FSIP2: variants seen among roughly 807,000 people sequenced by gnomAD.
FSIP2 encodes fibrous sheath interacting protein 2, also known as fibrous sheath-interacting protein 2.
Under a neutral mutation model 510.5 loss-of-function variants are expected in FSIP2, and 367 were observed. The observed-to-expected ratio is 0.72, with a 90% CI of 0.66 to 0.78. The LOEUF is 0.78. Among genes scored for constraint, FSIP2 ranks in the 30% least tolerant of loss-of-function variants. FSIP2 has a pLI of 0.00. For missense variants in FSIP2, 7,594 were observed against 7,901.7 expected, an observed-to-expected ratio of 0.96 and a Z score of 1.48; for synonymous variants, 2,601 against 2,732.2, an observed-to-expected ratio of 0.95 and a Z score of 1.50.
rs1192837073 is a variant in FSIP2 at position 185,789,382 on chromosome 2, C to A, written c.2246C>A (p.Ala749Asp). 2 of 1,534,990 alleles carry A rather than the reference C, an allele frequency of 1.3e-6. No homozygotes were observed. The highest frequency in any genetic ancestry group is 2.7e-5 in the African/African-American group (2 of 73,072). The change falls in exon 16 of 23, where the codon GCT (alanine) becomes GAT (aspartate). Residue 749 changes from alanine to aspartate, a missense_variant. Transcript: ENST00000424728. ...EREKEILLSN[A>D]HIPSVASEIV... Reference sequence around the variant, plus strand: ...GAAAAAGAAATCTTGCTTTCCAATGCTCATATTCCCTCAGTTGCTTCTGAG... The same window carrying A: ...GAAAAAGAAATCTTGCTTTCCAATGATCATATTCCCTCAGTTGCTTCTGAG...
Position 185,813,822 on chromosome 2 carries a change from C to T in FSIP2, c.20105C>T (p.Ser6702Leu). The T allele has an allele frequency of 6.2e-7, 1 of 1,613,540 alleles. No homozygotes were observed. Among genetic ancestry groups the T allele is most frequent in the South Asian group, 1.1e-5 (1 of 91,054 alleles). ...ATACAAAGCAAACTTTCTCCTAAGTCAACACTAAGCACGAGCAGCCTGAAA... is the reference window on the plus strand; with the variant it reads ...ATACAAAGCAAACTTTCTCCTAAGTTAACACTAAGCACGAGCAGCCTGAAA... ...KPIQSKLSPKSTLSTSSLKKF... is the reference protein window; with the variant it reads ...KPIQSKLSPKLTLSTSSLKKF... Residue 6702 changes from serine (S) to leucine (L), a missense_variant, in exon 18 of 23, where the codon TCA becomes TTA. Ser to Leu is a moderately radical substitution (Grantham distance 145). Coordinates refer to ENST00000424728, the MANE Select transcript of FSIP2 (RefSeq NM_173651.4).
At chr2:185,824,275 AGTC>A (rs1693975674) in intron 19 of FSIP2, among the ~76,000 whole-genome samples, 156 bp from the exon 20 acceptor site, 1 of 151,878 alleles carries the variant, frequency 6.6e-6, no homozygotes, top group Admixed American at 6.6e-5. Context: ...TAGGGGAAAA[AGTC>A]AATCAGAAAT....
At position 185,790,462 on chromosome 2, in the gene FSIP2, T is replaced by C. The variant is rs1251600292; in HGVS notation, c.3326T>C (p.Ile1109Thr). ...KHQIEKASEN[I>T]VTSILKEMLK... ...CAAATAGAAAAGGCTTCAGAAAACA[T>C]AGTCACAAGTATTTTAAAGGAAATG... The change falls in exon 16 of 23, where the codon ATA becomes ACA. Residue 1109 changes from isoleucine to threonine, a missense_variant. Coordinates refer to ENST00000424728, the MANE Select transcript of FSIP2 (RefSeq NM_173651.4). 1 of 1,533,976 alleles carries C rather than the reference T, an allele frequency of 6.5e-7. No individual in the cohort carries two copies. The highest frequency in any genetic ancestry group is 8.7e-7 in the Non-Finnish European group (1 of 1,145,516).
chr2:185,801,038 C>G lies in FSIP2; in HGVS notation c.11732C>G (p.Ser3911Cys). ...SLELRSYDSN[S>C]LTVSLNNPSV... Reference sequence around the variant, plus strand: ...GAACTCAGGAGCTATGATAGTAATTCTTTGACAGTATCCCTGAATAATCCC... The same window carrying G: ...GAACTCAGGAGCTATGATAGTAATTGTTTGACAGTATCCCTGAATAATCCC... Residue 3911 changes from serine (S) to cysteine (C), a missense_variant, in exon 17 of 23, where the codon TCT (serine) becomes TGT (cysteine). By Grantham distance (112) the Ser-to-Cys change is moderately radical. Transcript: ENST00000424728. 6.5e-7 allele frequency: 1 copy of G among 1,531,974 alleles called. No homozygotes were observed. The highest frequency in any genetic ancestry group is 1.2e-5 in the South Asian group (1 of 83,784). The allele number at this position is 1,531,974 out of a possible 1,614,324, so 94.9% of individuals were successfully genotyped here.
At chr2:185,754,661 C>T (rs1408804699) in intron 8 of FSIP2, among the ~76,000 whole-genome samples, 1 of 151,492 alleles carries the variant, frequency 6.6e-6, no homozygotes, top group Non-Finnish European at 1.5e-5. Flanking sequence ...CAGACTGCTT[C>T]AGCAAGCATT....
At chr2:185,740,990 T>C (rs1216309479) in intron 2 of FSIP2, among the ~76,000 whole-genome samples, 1 of 152,178 alleles carries the variant, frequency 6.6e-6, no homozygotes, top group East Asian at 1.9e-4. Context: ...AAAACTAATC[T>C]GTTCTACTAG....
Position 185,800,653 on chromosome 2 carries a change from A to ACAT in FSIP2, c.11350_11352dup (p.Ser3784dup). 1 of 1,534,158 alleles carries ACAT rather than the reference A, an allele frequency of 6.5e-7. No homozygotes were observed. Among genetic ancestry groups the ACAT allele is most frequent in the South Asian group, 1.2e-5 (1 of 83,942 alleles). On this transcript the variant is annotated inframe_insertion, in exon 17 of 23. Transcript: ENST00000424728. ...TGATAAAGGGTCTGTTTCAGAGGAA[A>ACAT]CATCAGCAGAAGAATGTCAACTTTT...
chr2:185,796,059 A>G lies in FSIP2; in HGVS notation c.8923A>G (p.Lys2975Glu). The part of the protein sequence containing the change: ...SLSSLPIYNT[K>E]TKDQISVGSS... ...CAGCAGTTTACCAATCTATAACACA[A>G]AGACAAAAGACCAAATTTCTGTGGG... Residue 2975 changes from lysine (K) to glutamate (E), a missense_variant, in exon 16 of 23, where the codon AAG becomes GAG. Transcript: ENST00000424728. The G allele has an allele frequency of 6.5e-7, 1 of 1,531,394 alleles. No individual in the cohort carries two copies. The highest frequency in any genetic ancestry group is 8.7e-7 in the Non-Finnish European group (1 of 1,145,234). 94.9% of individuals were successfully genotyped at this position (1,531,394 alleles called of 1,614,324 possible).
In FSIP2 at chr2:185,788,822, C is replaced by T. The variant is rs1451187613; in HGVS notation, c.1686C>T (p.Cys562=). Residue 562 remains cysteine (C), a synonymous_variant, in exon 16 of 23, where the codon TGC becomes TGT. Transcript: ENST00000424728. ...SSDSSSFCST[C]SEDFTYRSYT... ...ATAGTTCAAGTTTCTGTAGCACGTG[C>T]AGTGAAGACTTTACATATAGAAGCT... 6.5e-7 allele frequency: 1 copy of T among 1,534,394 alleles called. No homozygotes were observed. The highest frequency in any genetic ancestry group is 8.7e-7 in the Non-Finnish European group (1 of 1,145,658).
At chr2:185,785,381 A>C (rs764718594) in intron 14 of FSIP2, among the ~76,000 whole-genome samples, 1 of 151,974 alleles carries the variant, frequency 6.6e-6, no homozygotes, top group Non-Finnish European at 1.5e-5. Context: ...AAAATACAGG[A>C]TATAGTTTTC....
rs771051922 is a variant in FSIP2 at position 185,805,355 on chromosome 2, A to C, written c.16049A>C (p.Lys5350Thr). 8 of 1,598,198 alleles carry C rather than the reference A, an allele frequency of 5.0e-6. No homozygotes were observed. The Admixed American group carries it at 7.1e-5, about 14-fold the overall frequency. Residue 5350 changes from lysine (K) to threonine (T), a missense_variant, in exon 17 of 23, where the codon AAA (lysine) becomes ACA (threonine). Lys to Thr is a moderately conservative substitution (Grantham distance 78). Transcript: ENST00000424728. Reference protein sequence around the residue: ...FPPIDKETVDKISNFVYEQFI... With the variant: ...FPPIDKETVDTISNFVYEQFI... The stretch of plus-strand genomic sequence containing the variant: ...CCAATTGATAAAGAGACAGTTGATA[A>C]AATATCCAATTTTGTATATGAACAG...
rs567984502 is a variant in FSIP2 at position 185,801,646 on chromosome 2, T to C, written c.12340T>C (p.Leu4114=). Residue 4114 remains leucine (L), a synonymous_variant, in exon 17 of 23, where the codon TTG becomes CTG. Transcript: ENST00000424728. ...SYYPLKPEII[L]QKLQSNLTEF... ...TTACCCTCTCAAACCTGAAATTATATTGCAAAAGCTTCAAAGTAACCTAAC... is the reference window on the plus strand; with the variant it reads ...TTACCCTCTCAAACCTGAAATTATACTGCAAAAGCTTCAAAGTAACCTAAC... 9.2e-6 allele frequency: 14 copies of C among 1,529,670 alleles called. No homozygotes were observed. The Admixed American group carries it at 2.0e-4, about 22-fold the overall frequency. 94.8% of individuals were successfully genotyped at this position (1,529,670 alleles called of 1,614,324 possible).
At chr2:185,741,572 T>G (rs999831019) in intron 2 of FSIP2, among the ~76,000 whole-genome samples, 1 of 152,188 alleles carries the variant, frequency 6.6e-6, no homozygotes, top group African/African-American at 2.4e-5. Context: ...ATCTACTCCT[T>G]GACTTATTAT....
intron 19 of FSIP2, among the ~76,000 whole-genome samples, chr2:185,822,766 G>T (rs914408798): frequency 4.5e-4 from 68 of 151,602 alleles, no homozygotes; most frequent in African/African-American, 1.6e-3. Flanking sequence ...TCTTAAAATA[G>T]AATAAAAATG....
At chr2:185,777,753 A>G (rs1692758492) in intron 13 of FSIP2, among the ~76,000 whole-genome samples, 1 of 151,752 alleles carries the variant, frequency 6.6e-6, no homozygotes, top group Non-Finnish European at 1.5e-5. Context: ...GATTAAATTT[A>G]CCAGTAGTTT....
chr2:185,763,571 C>A (rs920021505), intron 12 of FSIP2, among the ~76,000 whole-genome samples: 1 of 151,440 alleles, frequency 6.6e-6, no homozygotes, highest in African/African-American at 2.4e-5. Context: ...ACTTTTTGAC[C>A]AGTGATCAGT....
chr2:185,763,230 T>TCAC lies in FSIP2; in HGVS notation c.1290_1292dup (p.Pro431dup). 6.6e-7 allele frequency: 1 copy of TCAC among 1,521,226 alleles called. No homozygotes were observed. The highest frequency in any genetic ancestry group is 8.8e-7 in the Non-Finnish European group (1 of 1,134,030). 94.2% of individuals were successfully genotyped at this position (1,521,226 alleles called of 1,614,324 possible). On this transcript the variant is annotated inframe_insertion, in exon 12 of 23. Transcript: ENST00000424728. ...AGGTTCAATTATTTCAGCGCAGGTA[T>TCAC]CACCCACGAGAAATTTTTCCAGAGT... is the stretch of plus-strand genomic sequence containing the variant.
intron 22 of FSIP2, 47 bp from the exon 23 acceptor site, chr2:185,833,043 G>T: frequency 6.3e-7 from 1 of 1,576,810 alleles, no homozygotes; most frequent in Non-Finnish European, 8.7e-7. Flanking sequence ...TTTTACCTCA[G>T]TGTTCAAAAA....
rs1199710687 is a variant in FSIP2, at chr2:185,789,709, C to T, written c.2573C>T (p.Thr858Ile). The change falls in exon 16 of 23, where the codon ACA (threonine) becomes ATA (isoleucine). Residue 858 changes from threonine (T) to isoleucine (I), a missense_variant. Coordinates refer to ENST00000424728, the MANE Select transcript of FSIP2 (RefSeq NM_173651.4). ...AAGCTTTCCTGCCAGCAACATAAGACAGACCCAATATGTATGTTCCTTCAA... is the reference window on the plus strand; with the variant it reads ...AAGCTTTCCTGCCAGCAACATAAGATAGACCCAATATGTATGTTCCTTCAA... ...TNKLSCQQHK[T>I]DPICMFLQRA... is the part of the protein sequence containing the mutation. The T allele has an allele frequency of 5.2e-6, 8 of 1,534,230 alleles. No homozygotes were observed. Among genetic ancestry groups the T allele is most frequent in the African/African-American group, 2.7e-5 (2 of 72,908 alleles).
Sources: gnomAD v4.1 joint callset for allele counts (sites outside exome capture counted in the v4.1 genomes callset) on GRCh38, gnomAD v4.1.1 for gene constraint, MANE v1.5 for transcripts, NCBI Gene and HGNC (gene_info 2026-07-23, HGNC 2026-07-21) for gene names.